The following NEURL3 variants were observed in gnomAD, a reference collection of about 807,000 sequenced individuals.
The protein encoded by NEURL3 is E3 ubiquitin-protein ligase NEURL3.
In NEURL3, 19 loss-of-function variants were observed where a neutral mutation model predicts 17.6. The ratio of observed to expected loss-of-function variants is 1.08; its 90% CI spans 0.75 to 1.58. The LOEUF (loss-of-function observed/expected upper bound fraction) is 1.58. NEURL3 is among the 40% of genes most tolerant of loss of function. NEURL3 has a pLI of 0.00. For synonymous variants in NEURL3, 180 were observed against 161.4 expected (o/e 1.11, Z -0.87); for missense variants, 342 against 379.6 (o/e 0.90, Z 0.82).
rs577813585 is a variant in NEURL3 at position 96,498,124 on chromosome 2, T to TTCC, written c.*119_*120insGGA. ...TGCCTTCCTCTCTCTGCCGCACCTC[T>TTCC]TGCTAATCAGCCTTTCTGACTCTTC... On this transcript the variant is annotated 3_prime_UTR_variant, in exon 4 of 4. Coordinates refer to ENST00000451794, the MANE Select transcript of NEURL3 (RefSeq NM_001285485.2). This position sits in a 1 kb window ranked among gnomAD's most constrained non-coding sequence, Gnocchi z 4.4. 3,584 of 1,063,660 alleles carry TTCC rather than the reference T, an allele frequency of 3.4e-3. 6 individuals carry two copies. The highest frequency in any genetic ancestry group is 3.8e-3 in the Non-Finnish European group (2,895 of 760,402). 65.9% of individuals were successfully genotyped at this position (1,063,660 alleles called of 1,614,324 possible). A position where few individuals can be genotyped will look rare whatever the true frequency, so the allele number is the denominator to read the frequency against.
upstream of NEURL3, chr2:96,508,025 G>T (rs531112267): frequency 1.3e-5 from 2 of 152,408 alleles, no homozygotes; most frequent in African/African-American, 4.8e-5. Flanking sequence ...CCCTAATTAG[G>T]AATATCTCCT....
chr2:96,499,030 G>A (rs1390474490), intron 3 of NEURL3: 3 of 244,902 alleles, frequency 1.2e-5, no homozygotes, highest in Non-Finnish European at 2.0e-5. Flanking sequence ...CTCCTGCCTC[G>A]GCCTCCCAAA....
Position 96,498,372 on chromosome 2 carries a change from A to T in NEURL3, c.661T>A (p.Tyr221Asn). 2 of 1,599,478 alleles carry T rather than the reference A, an allele frequency of 1.3e-6. No homozygotes were observed. The highest frequency in any genetic ancestry group is 8.5e-7 in the Non-Finnish European group (1 of 1,179,794). ...CGCCAGGCACAGTATCTGCAGAAGT[A>T]TGTGTGGCCGCAGGGCACAAGGCGG... ...NTRLVPCGHT[Y>N]FCRYCAWRVF... Residue 221 changes from tyrosine (Y) to asparagine (N), a missense_variant, in exon 4 of 4, where the codon TAC becomes AAC. Tyr to Asn is a moderately radical substitution (Grantham distance 143). Transcript: ENST00000451794. The surrounding 1 kb of genome is among the most constrained non-coding windows in gnomAD (Gnocchi z 4.4).
chr2:96,508,004 T>C (rs2065575067), upstream of NEURL3: 1 of 152,276 alleles, frequency 6.6e-6, no homozygotes, highest in Non-Finnish European at 1.5e-5. Flanking sequence ...ACTCCGCCCC[T>C]TGGAAGTGCC....
chr2:96,500,753 C>T lies in NEURL3; in HGVS notation c.200G>A (p.Arg67Gln), dbSNP rs748531566. The T allele has an allele frequency of 1.3e-5, 20 of 1,523,766 alleles. No individual in the cohort carries two copies. The highest frequency in any genetic ancestry group is 1.7e-5 in the Non-Finnish European group (19 of 1,141,222). 94.4% of individuals were successfully genotyped at this position (1,523,766 alleles called of 1,614,324 possible). A position where few individuals can be genotyped will look rare whatever the true frequency, so the allele number is the denominator to read the frequency against. ...GCCGCCGCACCAGCCGCTCTCCTCC[C>T]GCAGCACTCGCAGCGCCACACGCTC... ...LGERVALRVL[R>Q]EESGWCGGLR... is the part of the protein sequence containing the mutation. Residue 67 changes from arginine (R) to glutamine (Q), a missense_variant, in exon 2 of 4, where the codon CGG becomes CAG. Physicochemically the swap from Arg to Gln is conservative, Grantham distance 43. Transcript: ENST00000451794.
In NEURL3 at chr2:96,498,108, C is replaced by T; in HGVS notation, c.*136G>A. 2 of 915,022 alleles carry T rather than the reference C, an allele frequency of 2.2e-6. No homozygotes were observed. The highest frequency in any genetic ancestry group is 2.7e-5 in the East Asian group (1 of 36,938). The allele number at this position is 915,022 out of a possible 1,614,324, so 56.7% of individuals were successfully genotyped here. Reference sequence around the variant, plus strand: ...GCAGACAGCACCTCCCTGCCTTCCTCTCTCTGCCGCACCTCTTGCTAATCA... The same window carrying T: ...GCAGACAGCACCTCCCTGCCTTCCTTTCTCTGCCGCACCTCTTGCTAATCA... On this transcript the variant is annotated 3_prime_UTR_variant, in exon 4 of 4. Coordinates refer to ENST00000451794, the MANE Select transcript of NEURL3 (RefSeq NM_001285485.2). The surrounding 1 kb of genome is among the most constrained non-coding windows in gnomAD (Gnocchi z 4.4).
chr2:96,499,309 T>C (rs2065473627), intron 3 of NEURL3, 69 bp downstream of exon 3: 1 of 1,583,184 alleles, frequency 6.3e-7, no homozygotes, highest in East Asian at 2.3e-5. Flanking sequence ...CAGTAGGACG[T>C]GGGGCTTCTC....
chr2:96,508,075 T>C (rs1207250012), upstream of NEURL3: 1 of 152,282 alleles, frequency 6.6e-6, no homozygotes, highest in Non-Finnish European at 1.5e-5. Flanking sequence ...GATTTGTAGA[T>C]AGGCCTAACT....
upstream of NEURL3, chr2:96,505,476 T>A: frequency 4.7e-6 from 3 of 633,054 alleles, no homozygotes; most frequent in Non-Finnish European, 2.8e-6. Context: ...TGATTTCTCC[T>A]GACTCGCAGA....
At chr2:96,506,049 T>C (rs1289159005), upstream of NEURL3, among the ~76,000 whole-genome samples, 3 of 152,314 alleles carry the variant, frequency 2.0e-5, no homozygotes, top group South Asian at 2.1e-4. Context: ...AGCCCGTCAA[T>C]ATTTATTTCG....
chr2:96,500,615 G>A lies in NEURL3; in HGVS notation c.338C>T (p.Pro113Leu). 1 of 1,520,956 alleles carries A rather than the reference G, an allele frequency of 6.6e-7. No homozygotes were observed. The highest frequency in any genetic ancestry group is 1.2e-5 in the South Asian group (1 of 81,392). The allele number at this position is 1,520,956 out of a possible 1,614,324, so 94.2% of individuals were successfully genotyped here. The change falls in exon 2 of 4, where the codon CCT becomes CTT. Residue 113 changes from proline (P) to leucine (L), a missense_variant. Transcript: ENST00000451794. ...GTCCCCAGTGAGCGCGCAGCCCTCA[G>A]GCAGCACGGCCGCCCACGTCGGGCT... ...EQSPTWAAVL[P>L]EGCALTGDLV...
At chr2:96,502,503 A>C (rs1318726799) in intron 1 of NEURL3, among the ~76,000 whole-genome samples, 1 of 152,212 alleles carries the variant, frequency 6.6e-6, no homozygotes, top group Non-Finnish European at 1.5e-5. Context: ...ACGGCAGTGA[A>C]GTGCATGTCC....
At chr2:96,506,346 C>T (rs951567842), upstream of NEURL3, among the ~76,000 whole-genome samples, 1 of 152,210 alleles carries the variant, frequency 6.6e-6, no homozygotes, top group African/African-American at 2.4e-5. Context: ...GCTGGGACCA[C>T]AGGTGCATTC....
At chr2:96,501,411 C>T (rs1214526146) in intron 1 of NEURL3, among the ~76,000 whole-genome samples, 1 of 152,020 alleles carries the variant, frequency 6.6e-6, no homozygotes, top group Admixed American at 6.6e-5. Flanking sequence ...GACAGATTTG[C>T]TGACTGTGGT....
intron 1 of NEURL3, chr2:96,504,573 G>A (rs1305753906): frequency 6.6e-6 from 1 of 152,296 alleles, no homozygotes; most frequent in Admixed American, 6.5e-5. Flanking sequence ...AATAGCTGGT[G>A]CTGAAAGACC....
chr2:96,502,699 C>T (rs932900810), intron 1 of NEURL3, among the ~76,000 whole-genome samples: 1 of 152,250 alleles, frequency 6.6e-6, no homozygotes, highest in African/African-American at 2.4e-5. Context: ...GGAGAGAAGC[C>T]CTGGAGTGGG....
At chr2:96,504,144 G>T (rs2065538166) in intron 1 of NEURL3, among the ~76,000 whole-genome samples, 1 of 152,212 alleles carries the variant, frequency 6.6e-6, no homozygotes, top group Non-Finnish European at 1.5e-5. Context: ...TGGAATCTGA[G>T]TGGGGCAGGG....
rs1422279916 is a variant in NEURL3, at chr2:96,500,893, G to A, written c.60C>T (p.Phe20=). The A allele has an allele frequency of 6.4e-7, 1 of 1,563,756 alleles. No homozygotes were observed. The highest frequency in any genetic ancestry group is 2.3e-5 in the East Asian group (1 of 42,784). ...NAKAPREALR[F]HAEAKGAQVR... The stretch of plus-strand genomic sequence containing the variant: ...CCTGTGCGCCCTTGGCCTCGGCATG[G>A]AAGCGAAGTGCCTCTCGGGGCGCCT... The change falls in exon 2 of 4, where the codon TTC becomes TTT. Residue 20 remains phenylalanine (F), a synonymous_variant. Transcript: ENST00000451794.
At position 96,500,578 on chromosome 2, in the gene NEURL3, G is replaced by A; in HGVS notation, c.375C>T (p.Phe125=). 2 of 1,540,260 alleles carry A rather than the reference G, an allele frequency of 1.3e-6. No homozygotes were observed. Among genetic ancestry groups the A allele is most frequent in the Non-Finnish European group, 1.7e-6 (2 of 1,150,564 alleles). Reference sequence around the variant, plus strand: ...AGAGGCAGCCGCGGCGGTCCACCCAGAAGCGGACCAAGTCCCCAGTGAGCG... The same window carrying A: ...AGAGGCAGCCGCGGCGGTCCACCCAAAAGCGGACCAAGTCCCCAGTGAGCG... ...GCALTGDLVR[F]WVDRRGCLFA... Residue 125 remains phenylalanine (F), a synonymous_variant, in exon 2 of 4, where the codon TTC becomes TTT. Coordinates refer to ENST00000451794, the MANE Select transcript of NEURL3 (RefSeq NM_001285485.2).
Sources: gnomAD v4.1 joint callset for allele counts (sites outside exome capture counted in the v4.1 genomes callset) on GRCh38, gnomAD v4.1.1 for gene constraint, Gnocchi (gnomAD v3.1) non-coding constraint, MANE v1.5 for transcripts, NCBI Gene and HGNC (gene_info 2026-07-23, HGNC 2026-07-21) for gene names.